CEP128: variants seen among roughly 807,000 people sequenced by gnomAD.
CEP128 encodes centrosomal protein 128.
CEP128 carries 132 observed loss-of-function variants against 156.7 expected under a neutral mutation model. The ratio of observed to expected loss-of-function variants is 0.84; its 90% CI spans 0.73 to 0.97. CEP128 has a LOEUF of 0.97. CEP128 is among the 50% of genes least tolerant of loss of function. CEP128 has a pLI of 0.00. For missense variants in CEP128, 1,252 were observed against 1,281.9 expected (o/e 0.98, Z 0.36); for synonymous variants, 469 against 448.9 (o/e 1.04, Z -0.57).
intron 19 of CEP128, among the ~76,000 whole-genome samples, chr14:80,635,460 A>G (rs751415372): frequency 1.3e-5 from 2 of 152,216 alleles, no homozygotes; most frequent in Non-Finnish European, 2.9e-5. Context: ...GTGTCATCCC[A>G]GAACTGAAAC....
rs540593415 is a variant in CEP128 at position 80,563,524 on chromosome 14, CTTTTTT to C, written c.2857-4228_2857-4223del. Among the ~76,000 whole-genome samples, 47 of 78,850 alleles carry C rather than the reference CTTTTTT, an allele frequency of 6.0e-4. 2 individuals are homozygous for C. Among genetic ancestry groups the C allele is most frequent in the East Asian group, 9.8e-4 (2 of 2,050 alleles). 51.7% of individuals were successfully genotyped at this position (78,850 alleles called of 152,430 possible). On this transcript the variant is annotated intron_variant, in intron 20 of 24. Coordinates refer to ENST00000555265, the MANE Select transcript of CEP128 (RefSeq NM_152446.5). ...GAAGCCTACCCATGGGCCTCCAAAT[CTTTTTT>C]TTTTTTTTTTTTTTTTTTTTGAGAT...
chr14:80,758,386 G>A (rs148558217), intron 17 of CEP128, among the ~76,000 whole-genome samples: 1,975 of 152,248 alleles, frequency 0.013, 21 homozygotes, highest in Non-Finnish European at 0.021. Context: ...GCCGGGCGTG[G>A]TGGCGCATGC....
intron 19 of CEP128, among the ~76,000 whole-genome samples, chr14:80,597,950 CAAAAAAA>C (rs34001813): frequency 1.7e-4 from 14 of 80,138 alleles, no homozygotes; most frequent in South Asian, 5.2e-4. Context: ...TCCTCAGCTA[CAAAAAAA>C]AAAAAAAAAA....
chr14:80,631,963 A>G, intron 19 of CEP128, among the ~76,000 whole-genome samples: 1 of 152,114 alleles, frequency 6.6e-6, no homozygotes, highest in Non-Finnish European at 1.5e-5. Flanking sequence ...AGACAGAGGA[A>G]GAATCTGAAC....
At chr14:80,543,455 T>G (rs145998784) in intron 21 of CEP128, among the ~76,000 whole-genome samples, 1 of 152,348 alleles carries the variant, frequency 6.6e-6, no homozygotes, top group African/African-American at 2.4e-5. Context: ...AGGTTAAGTA[T>G]GTTTGAGATG....
intron 13 of CEP128, among the ~76,000 whole-genome samples, chr14:80,806,986 T>C (rs1884214751): frequency 6.6e-6 from 1 of 152,166 alleles, no homozygotes; most frequent in Admixed American, 6.5e-5. Flanking sequence ...TTTTTCTATT[T>C]TAAACATGAG....
At chr14:80,717,390 A>C (rs575659382) in intron 19 of CEP128, among the ~76,000 whole-genome samples, 29 of 152,308 alleles carry the variant, frequency 1.9e-4, no homozygotes, top group African/African-American at 6.7e-4. Context: ...AATGAATTTC[A>C]CTTCATGGGT....
rs1595275231 is a variant in CEP128 at position 80,717,431 on chromosome 14, G to C, written c.2806+25644C>G. On this transcript the variant is annotated intron_variant, in intron 19 of 24. Coordinates refer to ENST00000555265, the MANE Select transcript of CEP128 (RefSeq NM_152446.5). ...CAAATCAGCTGGCAGAGACTACCTA[G>C]AACAGTGTTTTCAGAGTGATAATGA... Among the ~76,000 whole-genome samples the C allele has an allele frequency of 2.0e-5, 3 of 152,254 alleles. No individual in the cohort carries two copies. The East Asian group carries it at 5.8e-4, about 29-fold the overall frequency.
At position 80,818,392 on chromosome 14, in the gene CEP128, A is replaced by T. The variant is rs148363188; in HGVS notation, c.1209+12751T>A. Among the ~76,000 whole-genome samples, 976 of 152,354 alleles carry T rather than the reference A, an allele frequency of 6.4e-3. 12 individuals carry two copies. The highest frequency in any genetic ancestry group is 0.022 in the African/African-American group (929 of 41,576). ...AATAAAGACATGCACAGATCAACAA[A>T]AACTCAGAGAATCTGTTGCTAGTAG... On this transcript the variant is annotated intron_variant, in intron 13 of 24. Transcript: ENST00000555265.
In CEP128 at chr14:80,917,982, C is replaced by T. The variant is rs117508440; in HGVS notation, c.-15-1420G>A. 8.3e-3 allele frequency among the ~76,000 whole-genome samples: 1,263 copies of T among 152,200 alleles called. 13 individuals are homozygous for T. The highest frequency in any genetic ancestry group is 0.01 in the Non-Finnish European group (686 of 68,020). On this transcript the variant is annotated intron_variant, in intron 2 of 24. Coordinates refer to ENST00000555265, the MANE Select transcript of CEP128 (RefSeq NM_152446.5). The stretch of plus-strand genomic sequence containing the variant: ...TAGCTAAGACAGGGTTAGAGAACAT[C>T]CTGTTGAACACCCATGCTTCTCCTC...
intron 8 of CEP128, chr14:80,894,536 C>A: frequency 2.4e-6 from 1 of 417,074 alleles, no homozygotes; most frequent in South Asian, 1.7e-5. Context: ...CCGAAAAAAT[C>A]TAGAACTTTA....
At chr14:80,562,094 A>T (rs1595007029) in intron 20 of CEP128, among the ~76,000 whole-genome samples, 5 of 150,948 alleles carry the variant, frequency 3.3e-5, no homozygotes, top group Admixed American at 2.6e-4. Context: ...CATCCGGCTA[A>T]TTTTTTTATT....
At chr14:80,727,363 C>T (rs772350029) in intron 19 of CEP128, among the ~76,000 whole-genome samples, 22 of 152,064 alleles carry the variant, frequency 1.4e-4, no homozygotes, top group South Asian at 2.1e-4. Flanking sequence ...ATATCCATGT[C>T]ACCTCACTCC....
chr14:80,695,516 C>T (rs1896861178), intron 19 of CEP128, among the ~76,000 whole-genome samples: 1 of 151,756 alleles, frequency 6.6e-6, no homozygotes, highest in East Asian at 1.9e-4. Context: ...AGGAGTTTGA[C>T]CCTAGCCTGG....
rs936448480 is a variant in CEP128 at position 80,784,884 on chromosome 14, A to G, written c.2211+11T>C. ...TCCTTCAGTATCATCAGGATAATTTAGCAGAGGTACCTTCAGAGTCCTGAT... is the reference window on the plus strand; with the variant it reads ...TCCTTCAGTATCATCAGGATAATTTGGCAGAGGTACCTTCAGAGTCCTGAT... On this transcript the variant is annotated intron_variant, in intron 15 of 24. Coordinates refer to ENST00000555265, the MANE Select transcript of CEP128 (RefSeq NM_152446.5). The G allele has an allele frequency of 6.3e-7, 1 of 1,584,626 alleles. No homozygotes were observed. The highest frequency in any genetic ancestry group is 8.6e-7 in the Non-Finnish European group (1 of 1,166,736).
intron 1 of CEP128, among the ~76,000 whole-genome samples, chr14:80,939,878 G>A (rs950391785): frequency 2.6e-5 from 4 of 152,178 alleles, no homozygotes; most frequent in Non-Finnish European, 5.9e-5. Context: ...AGGTAATACA[G>A]TTAACATGTT....
downstream of CEP128, among the ~76,000 whole-genome samples, chr14:80,485,848 G>C (rs1400763459): frequency 6.6e-6 from 1 of 152,226 alleles, no homozygotes; most frequent in African/African-American, 2.4e-5. Context: ...TTTTTCCAAA[G>C]TAGATAACAG....
At chr14:80,895,180 T>C (rs1412098903) in intron 8 of CEP128, among the ~76,000 whole-genome samples, 3 of 152,042 alleles carry the variant, frequency 2.0e-5, no homozygotes, top group African/African-American at 7.2e-5. Flanking sequence ...CACTGAACAG[T>C]GAGTGTCAAC....
chr14:80,503,477 C>T (rs1887829498), intron 24 of CEP128, among the ~76,000 whole-genome samples: 1 of 152,164 alleles, frequency 6.6e-6, no homozygotes, highest in South Asian at 2.1e-4. Flanking sequence ...CTAACCACTT[C>T]CCTCTAGGTG....
Sources: allele counts gnomAD v4.1 joint callset (sites outside exome capture counted in the v4.1 genomes callset), GRCh38; gene constraint gnomAD v4.1.1; transcripts MANE v1.5; gene names NCBI Gene and HGNC (gene_info 2026-07-23, HGNC 2026-07-21).